The following SERGEF variants were observed in gnomAD, a reference collection of about 807,000 sequenced individuals.
SERGEF encodes the protein secretion-regulating guanine nucleotide exchange factor.
In SERGEF, 51 loss-of-function variants were observed where a neutral mutation model predicts 50.0. The observed-to-expected ratio is 1.02, with a 90% CI of 0.81 to 1.29. The LOEUF (loss-of-function observed/expected upper bound fraction) is 1.29, where lower values mean the gene tolerates loss of function less well. Among genes scored for constraint, SERGEF ranks in the 50% most tolerant of loss-of-function variants. The pLI is 0.00. For synonymous variants in SERGEF, 205 were observed against 212.4 expected (o/e 0.97, Z 0.30); for missense variants, 521 against 557.0 (o/e 0.94, Z 0.65).
intron 9 of SERGEF, among the ~76,000 whole-genome samples, chr11:17,886,746 G>A (rs774195393): frequency 3.3e-5 from 5 of 152,146 alleles, no homozygotes; most frequent in Non-Finnish European, 7.4e-5. Flanking sequence ...AATATACACA[G>A]TAATTAGGCT....
chr11:17,946,287 G>A (rs976457871), intron 9 of SERGEF, among the ~76,000 whole-genome samples: 8 of 152,092 alleles, frequency 5.3e-5, no homozygotes, highest in Non-Finnish European at 4.4e-5. Flanking sequence ...TTGGACTAAC[G>A]ACCACCACTG....
chr11:17,861,534 T>C (rs16934756), intron 10 of SERGEF, among the ~76,000 whole-genome samples: 1,639 of 152,340 alleles, frequency 0.011, 38 homozygotes, highest in African/African-American at 0.037. Context: ...GATTGTACTT[T>C]CTCTGAGAAC....
At chr11:17,989,082 C>T (rs1413641612) in intron 7 of SERGEF, among the ~76,000 whole-genome samples, 1 of 152,046 alleles carries the variant, frequency 6.6e-6, no homozygotes, top group African/African-American at 2.4e-5. Flanking sequence ...CTATTTTCTA[C>T]GTTTTTAAAA....
intron 9 of SERGEF, among the ~76,000 whole-genome samples, chr11:17,899,142 T>C (rs1036005530): frequency 6.6e-6 from 1 of 152,206 alleles, no homozygotes; most frequent in Non-Finnish European, 1.5e-5. Context: ...TGCAGAACCA[T>C]AAGCCAATGA....
At chr11:17,917,170 T>G (rs1303033019) in intron 9 of SERGEF, among the ~76,000 whole-genome samples, 1 of 152,210 alleles carries the variant, frequency 6.6e-6, no homozygotes, top group Non-Finnish European at 1.5e-5. Context: ...CCAACCCAAA[T>G]GCCCATCAAT....
chr11:17,948,652 C>G (rs572391301), intron 9 of SERGEF, among the ~76,000 whole-genome samples: 91 of 152,344 alleles, frequency 6.0e-4, no homozygotes, highest in African/African-American at 2.2e-3. Flanking sequence ...CCATGAGCAA[C>G]CTTCCCTAGC....
At chr11:18,007,854 C>CA in intron 2 of SERGEF, 87 bp downstream of exon 2, 1 of 1,337,142 alleles carries the variant, frequency 7.5e-7, no homozygotes, top group Non-Finnish European at 1.0e-6. Flanking sequence ...CTGCAAAATA[C>CA]AAAAGGCTGA....
In SERGEF at chr11:17,872,633, T is replaced by A. The variant is rs578083655; in HGVS notation, c.1048+5575A>T. On this transcript the variant is annotated intron_variant, in intron 10 of 10. Coordinates refer to ENST00000265965, the MANE Select transcript of SERGEF (RefSeq NM_012139.4). ...TATACTTTGACACAGTAATTTCACT[T>A]CTAGGAACTTATAACTATACTCTCC... 4.6e-5 allele frequency among the ~76,000 whole-genome samples: 7 copies of A among 152,324 alleles called. No individual in the cohort carries two copies. The East Asian group carries it at 1.2e-3, about 25-fold the overall frequency.
intron 10 of SERGEF, among the ~76,000 whole-genome samples, chr11:17,872,698 C>A (rs575527199): frequency 1.3e-5 from 2 of 152,156 alleles, no homozygotes; most frequent in Non-Finnish European, 2.9e-5. Context: ...TTCACTATAG[C>A]GTTGCTTATA....
At chr11:17,911,139 T>C (rs1218801506) in intron 9 of SERGEF, among the ~76,000 whole-genome samples, 1 of 151,904 alleles carries the variant, frequency 6.6e-6, no homozygotes, top group East Asian at 1.9e-4. Context: ...AGGTAATGTT[T>C]TAAGCACTTT....
intron 8 of SERGEF, among the ~76,000 whole-genome samples, chr11:17,973,972 C>G (rs928808234): frequency 6.6e-6 from 1 of 152,074 alleles, no homozygotes; most frequent in African/African-American, 2.4e-5. Flanking sequence ...ACTTAGAGTC[C>G]CAGTAATTCC....
At chr11:17,988,916 T>C (rs1379329473) in intron 7 of SERGEF, among the ~76,000 whole-genome samples, 161 bp from the exon 8 acceptor site, 1 of 152,226 alleles carries the variant, frequency 6.6e-6, no homozygotes, top group Non-Finnish European at 1.5e-5. Flanking sequence ...GTGTACACCA[T>C]AATAACTTAT....
At chr11:17,849,916 T>A (rs1850681215) in intron 10 of SERGEF, among the ~76,000 whole-genome samples, 1 of 152,210 alleles carries the variant, frequency 6.6e-6, no homozygotes, top group Non-Finnish European at 1.5e-5. Flanking sequence ...CTATCTCTGT[T>A]ACTTTCAAGA....
chr11:17,994,603 G>A (rs955697828), intron 6 of SERGEF, among the ~76,000 whole-genome samples: 1 of 152,064 alleles, frequency 6.6e-6, no homozygotes, highest in Non-Finnish European at 1.5e-5. Flanking sequence ...GATATGCCTG[G>A]GGAGAAGTGA....
intron 10 of SERGEF, among the ~76,000 whole-genome samples, chr11:17,809,012 C>T (rs950479774): frequency 6.6e-6 from 1 of 152,220 alleles, no homozygotes; most frequent in Non-Finnish European, 1.5e-5. Context: ...CCCGGTCTTT[C>T]CAGTCATTCA....
At chr11:17,846,884 G>C in intron 10 of SERGEF, 3 of 398,402 alleles carry the variant, frequency 7.5e-6, no homozygotes, top group Non-Finnish European at 1.0e-5. Context: ...CTAATCTCCT[G>C]AGGAAGACTA....
intron 8 of SERGEF, among the ~76,000 whole-genome samples, chr11:17,969,052 T>C (rs1853190666): frequency 6.6e-6 from 1 of 152,192 alleles, no homozygotes; most frequent in African/African-American, 2.4e-5. Context: ...GCAATAAACA[T>C]AAATGCACTT....
chr11:17,902,987 T>G (rs1422041298), intron 9 of SERGEF, among the ~76,000 whole-genome samples: 3 of 152,252 alleles, frequency 2.0e-5, no homozygotes, highest in Non-Finnish European at 2.9e-5. Flanking sequence ...AGTTGATGCC[T>G]TTTCCAAATT....
chr11:17,814,997 G>A (rs1005008), intron 10 of SERGEF, among the ~76,000 whole-genome samples: 78,329 of 151,896 alleles, frequency 0.52, 20,814 homozygotes, highest in East Asian at 0.86. Context: ...CCTGGACTAC[G>A]CAGCAAGACC....
Sources: allele counts gnomAD v4.1 joint callset (sites outside exome capture counted in the v4.1 genomes callset), GRCh38; gene constraint gnomAD v4.1.1; transcripts MANE v1.5; gene names NCBI Gene and HGNC (gene_info 2026-07-23, HGNC 2026-07-21).